Variants in PGBD4 observed in about 807,000 individuals in gnomAD.
PGBD4 encodes the protein piggyBac transposable element derived 4.
In PGBD4, 1 loss-of-function variant was observed where a neutral mutation model predicts 0.3. The ratio of observed to expected loss-of-function variants is 3.72; its 90% CI spans 1.32 to 17.64. The LOEUF is 17.64. Among genes scored for constraint, PGBD4 ranks in the 30% most tolerant of loss-of-function variants. PGBD4 has a pLI of 0.11. For synonymous variants in PGBD4, 253 were observed against 267.7 expected, an observed-to-expected ratio of 0.95 and a Z score of 0.54; for missense variants, 624 against 719.7, an observed-to-expected ratio of 0.87 and a Z score of 1.52.
At position 34,102,795 on chromosome 15, in the gene PGBD4, T is replaced by C. The variant is rs772667827; in HGVS notation, c.264T>C (p.Phe88=). 1 of 1,614,210 alleles carries C rather than the reference T, an allele frequency of 6.2e-7. No homozygotes were observed. The highest frequency in any genetic ancestry group is 2.2e-5 in the East Asian group (1 of 44,886). ...RAMIPRQRYD[F]TGTPGRKVDV... Reference sequence around the variant, plus strand: ...TGATTCCACGTCAAAGGTATGACTTTACCGGCACACCTGGCAGAAAAGTCG... The same window carrying C: ...TGATTCCACGTCAAAGGTATGACTTCACCGGCACACCTGGCAGAAAAGTCG... The change falls in exon 1 of 1, where the codon TTT becomes TTC. Residue 88 remains phenylalanine, a synonymous_variant. Transcript: ENST00000397766. The surrounding 1 kb of genome is among the most constrained non-coding windows in gnomAD (Gnocchi z 4.7).
chr15:34,103,596 T>G lies in PGBD4; in HGVS notation c.1065T>G (p.Arg355=), dbSNP rs764523086. The G allele has an allele frequency of 1.2e-6, 2 of 1,614,120 alleles. No individual in the cohort carries two copies. Among genetic ancestry groups the G allele is most frequent in the Non-Finnish European group, 1.7e-6 (2 of 1,180,024 alleles). The change falls in exon 1 of 1, where the codon CGT becomes CGG. Residue 355 remains arginine (R), a synonymous_variant. Coordinates refer to ENST00000397766, the MANE Select transcript of PGBD4 (RefSeq NM_152595.5). This position sits in a 1 kb window ranked among gnomAD's most constrained non-coding sequence, Gnocchi z 4.6. ...QNRTDAVGTA[R]LNRKQIPNDL... The stretch of plus-strand genomic sequence containing the variant: ...GGACTGATGCAGTTGGGACAGCTCG[T>G]TTGAACAGAAAACAGATTCCAAATG...
chr15:34,102,384 A>T lies in PGBD4; in HGVS notation c.-148A>T, dbSNP rs1901194722. The T allele has an allele frequency of 4.6e-6, 6 of 1,303,738 alleles. No individual in the cohort carries two copies. The allele number at this position is 1,303,738 out of a possible 1,614,324, so 80.8% of individuals were successfully genotyped here. A position where few individuals can be genotyped will look rare whatever the true frequency, so the allele number is the denominator to read the frequency against. ...ATTACAGTGCCAACCTTACTCCCAAAGTTTGCCACGAAATATCTCGCTTCT... is the reference window on the plus strand; with the variant it reads ...ATTACAGTGCCAACCTTACTCCCAATGTTTGCCACGAAATATCTCGCTTCT... On this transcript the variant is annotated 5_prime_UTR_variant, in exon 1 of 1. It adds an upstream start codon to the 5' untranslated region. Transcript: ENST00000397766. The surrounding 1 kb of genome is among the most constrained non-coding windows in gnomAD (Gnocchi z 4.7).
Position 34,104,025 on chromosome 15 carries a change from C to T in PGBD4, c.1494C>T (p.His498=). 1 of 1,614,176 alleles carries T rather than the reference C, an allele frequency of 6.2e-7. No homozygotes were observed. Among genetic ancestry groups the T allele is most frequent in the South Asian group, 1.1e-5 (1 of 91,082 alleles). The change falls in exon 1 of 1, where the codon CAC becomes CAT. Residue 498 remains histidine, a synonymous_variant. Transcript: ENST00000397766. ...TTGAAAGAATGCTGGAAAAGCATCACAAGCCAGGGCAGCAACATCTTCGAG... is the reference window on the plus strand; with the variant it reads ...TTGAAAGAATGCTGGAAAAGCATCATAAGCCAGGGCAGCAACATCTTCGAG... ...ALIERMLEKH[H]KPGQQHLRGR...
chr15:34,103,770 G>A lies in PGBD4; in HGVS notation c.1239G>A (p.Lys413=). ...TVIEVNNRNG[K]KTKRPRVIVD... is the part of the protein sequence containing the mutation. ...TTGAAGTAAACAATAGAAATGGAAA[G>A]AAAACTAAAAGGCCACGTGTCATTG... Residue 413 remains lysine, a synonymous_variant, in exon 1 of 1, where the codon AAG becomes AAA. Coordinates refer to ENST00000397766, the MANE Select transcript of PGBD4 (RefSeq NM_152595.5). This position sits in a 1 kb window ranked among gnomAD's most constrained non-coding sequence, Gnocchi z 4.6. The A allele has an allele frequency of 6.2e-7, 1 of 1,614,168 alleles. No individual in the cohort carries two copies. The highest frequency in any genetic ancestry group is 8.5e-7 in the Non-Finnish European group (1 of 1,180,038).
In PGBD4 at chr15:34,103,818, A is replaced by G. The variant is rs1328323430; in HGVS notation, c.1287A>G (p.Gly429=). ...RVIVDYNENM[G]AVDSADQMLT... is the part of the protein sequence containing the mutation. ...TTGTGGATTATAACGAGAATATGGG[A>G]GCAGTGGACTCGGCTGATCAAATGC... The change falls in exon 1 of 1, where the codon GGA becomes GGG. Residue 429 remains glycine (G), a synonymous_variant. Transcript: ENST00000397766. The surrounding 1 kb of genome is among the most constrained non-coding windows in gnomAD (Gnocchi z 4.6). The G allele has an allele frequency of 1.2e-6, 2 of 1,614,162 alleles. No homozygotes were observed. Among genetic ancestry groups the G allele is most frequent in the African/African-American group, 2.7e-5 (2 of 75,020 alleles).
chr15:34,102,108 G>A lies in PGBD4; in HGVS notation c.-424G>A. On this transcript the variant is annotated 5_prime_UTR_variant, in exon 1 of 1. The change creates a new upstream start codon in the 5' untranslated region. Coordinates refer to ENST00000397766, the MANE Select transcript of PGBD4 (RefSeq NM_152595.5). The surrounding 1 kb of genome is among the most constrained non-coding windows in gnomAD (Gnocchi z 4.7). Reference sequence around the variant, plus strand: ...GCCTATGAAGGGGACTGCCCATGAAGTGAAAGTCAAGTGTGTGTTGCTGCG... The same window carrying A: ...GCCTATGAAGGGGACTGCCCATGAAATGAAAGTCAAGTGTGTGTTGCTGCG... 5.7e-6 allele frequency: 3 copies of A among 523,912 alleles called. No homozygotes were observed. In the South Asian group the frequency reaches 8.4e-5, roughly 15 times the overall value. 32.5% of individuals were successfully genotyped at this position (523,912 alleles called of 1,614,324 possible).
In PGBD4 at chr15:34,102,345, G is replaced by A. The variant is rs931140768; in HGVS notation, c.-187G>A. 1 of 850,194 alleles carries A rather than the reference G, an allele frequency of 1.2e-6. No homozygotes were observed. 52.7% of individuals were successfully genotyped at this position (850,194 alleles called of 1,614,324 possible). A position where few individuals can be genotyped will look rare whatever the true frequency, so the allele number is the denominator to read the frequency against. On this transcript the variant is annotated 5_prime_UTR_variant, in exon 1 of 1. Coordinates refer to ENST00000397766, the MANE Select transcript of PGBD4 (RefSeq NM_152595.5). The surrounding 1 kb of genome is among the most constrained non-coding windows in gnomAD (Gnocchi z 4.7). ...TGCCTGCGACTGCAGCGTTTACGCC[G>A]AGATAACTCGTGGATTACAGTGCCA...
chr15:34,102,101 C>G lies in PGBD4; in HGVS notation c.-431C>G. The stretch of plus-strand genomic sequence containing the variant: ...GTCAAGTGCCTATGAAGGGGACTGC[C>G]CATGAAGTGAAAGTCAAGTGTGTGT... On this transcript the variant is annotated 5_prime_UTR_variant, in exon 1 of 1. Coordinates refer to ENST00000397766, the MANE Select transcript of PGBD4 (RefSeq NM_152595.5). The surrounding 1 kb of genome is among the most constrained non-coding windows in gnomAD (Gnocchi z 4.7). The G allele has an allele frequency of 1.9e-6, 1 of 530,050 alleles. No homozygotes were observed. Among genetic ancestry groups the G allele is most frequent in the African/African-American group, 1.9e-5 (1 of 51,654 alleles). 32.8% of individuals were successfully genotyped at this position (530,050 alleles called of 1,614,324 possible). A position where few individuals can be genotyped will look rare whatever the true frequency, so the allele number is the denominator to read the frequency against.
Position 34,102,112 on chromosome 15 carries a change from A to G in PGBD4, c.-420A>G, listed in dbSNP as rs1901188321. On this transcript the variant is annotated 5_prime_UTR_variant, in exon 1 of 1. Coordinates refer to ENST00000397766, the MANE Select transcript of PGBD4 (RefSeq NM_152595.5). This position sits in a 1 kb window ranked among gnomAD's most constrained non-coding sequence, Gnocchi z 4.7. ...ATGAAGGGGACTGCCCATGAAGTGAAAGTCAAGTGTGTGTTGCTGCGGCAG... is the reference window on the plus strand; with the variant it reads ...ATGAAGGGGACTGCCCATGAAGTGAGAGTCAAGTGTGTGTTGCTGCGGCAG... 1 of 511,472 alleles carries G rather than the reference A, an allele frequency of 2.0e-6. No individual in the cohort carries two copies. Among genetic ancestry groups the G allele is most frequent in the Non-Finnish European group, 3.4e-6 (1 of 292,506 alleles). 31.7% of individuals were successfully genotyped at this position (511,472 alleles called of 1,614,324 possible). A position where few individuals can be genotyped will look rare whatever the true frequency, so the allele number is the denominator to read the frequency against.
rs953009016 is a variant in PGBD4 at position 34,104,602 on chromosome 15, C to CA, written c.*321dup. On this transcript the variant is annotated 3_prime_UTR_variant, in exon 1 of 1. Transcript: ENST00000397766. The stretch of plus-strand genomic sequence containing the variant: ...TGGGTGACATAGCGAGACTCCATCT[C>CA]AAAAAAAAGAAATAACTCCAAGAAC... 43 of 257,494 alleles carry CA rather than the reference C, an allele frequency of 1.7e-4. No individual in the cohort carries two copies. The highest frequency in any genetic ancestry group is 2.5e-4 in the East Asian group (3 of 12,152). 16.0% of individuals were successfully genotyped at this position (257,494 alleles called of 1,614,324 possible). A position where few individuals can be genotyped will look rare whatever the true frequency, so the allele number is the denominator to read the frequency against.
At position 34,104,329 on chromosome 15, in the gene PGBD4, G is replaced by A. The variant is rs1222736205; in HGVS notation, c.*40G>A. 1 of 1,563,874 alleles carries A rather than the reference G, an allele frequency of 6.4e-7. No homozygotes were observed. On this transcript the variant is annotated 3_prime_UTR_variant, in exon 1 of 1. Coordinates refer to ENST00000397766, the MANE Select transcript of PGBD4 (RefSeq NM_152595.5). ...ACACATCTGTTCCATTAGGATTAGA[G>A]ACAAGTTCTGTTTAGAAATAACTCC...
In PGBD4 at chr15:34,102,690, T is replaced by G; in HGVS notation, c.159T>G (p.Pro53=). 6.2e-7 allele frequency: 1 copy of G among 1,614,154 alleles called. No homozygotes were observed. The highest frequency in any genetic ancestry group is 8.5e-7 in the Non-Finnish European group (1 of 1,180,030). The change falls in exon 1 of 1, where the codon CCT becomes CCG. Residue 53 remains proline (P), a synonymous_variant. Transcript: ENST00000397766. This position sits in a 1 kb window ranked among gnomAD's most constrained non-coding sequence, Gnocchi z 4.7. ...DSALEADKIR[P]LSHLESDGKS... is the part of the protein sequence containing the mutation. ...CTTTAGAAGCCGATAAGATCAGGCC[T>G]CTGTCCCATTTAGAATCTGATGGAA...
At position 34,102,636 on chromosome 15, in the gene PGBD4, A is replaced by C; in HGVS notation, c.105A>C (p.Ile35=). 1.2e-6 allele frequency: 2 copies of C among 1,614,092 alleles called. No individual in the cohort carries two copies. Among genetic ancestry groups the C allele is most frequent in the South Asian group, 2.2e-5 (2 of 91,066 alleles). The part of the protein sequence containing the change: ...DSFDESDFSE[I]DDSDNFSDSA... ...TTGATGAATCTGATTTTTCGGAAATAGATGATTCTGATAATTTTTCGGATA... is the reference window on the plus strand; with the variant it reads ...TTGATGAATCTGATTTTTCGGAAATCGATGATTCTGATAATTTTTCGGATA... Residue 35 remains isoleucine (I), a synonymous_variant, in exon 1 of 1, where the codon ATA becomes ATC. Coordinates refer to ENST00000397766, the MANE Select transcript of PGBD4 (RefSeq NM_152595.5). This position sits in a 1 kb window ranked among gnomAD's most constrained non-coding sequence, Gnocchi z 4.7.
In PGBD4 at chr15:34,104,518, G is replaced by T; in HGVS notation, c.*229G>T. On this transcript the variant is annotated 3_prime_UTR_variant, in exon 1 of 1. Transcript: ENST00000397766. Reference sequence around the variant, plus strand: ...CTTGGGAGGCTGAGGCAGGAGAATTGCTTGAACCCATGAGGCGGAGGTTGC... The same window carrying T: ...CTTGGGAGGCTGAGGCAGGAGAATTTCTTGAACCCATGAGGCGGAGGTTGC... 1 of 547,418 alleles carries T rather than the reference G, an allele frequency of 1.8e-6. No homozygotes were observed. Among genetic ancestry groups the T allele is most frequent in the Non-Finnish European group, 3.2e-6 (1 of 314,518 alleles). The allele number at this position is 547,418 out of a possible 1,614,324, so 33.9% of individuals were successfully genotyped here.
rs748334129 is a variant in PGBD4, at chr15:34,103,981, A to G, written c.1450A>G (p.Asn484Asp). ...TCCTGAGCACACGATGAGCCATATA[A>G]ACTTCAGACTGGCATTGATTGAAAG... The part of the protein sequence containing the change: ...DNPEHTMSHI[N>D]FRLALIERML... The change falls in exon 1 of 1, where the codon AAC becomes GAC. Residue 484 changes from asparagine to aspartate, a missense_variant. Physicochemically the swap from Asn to Asp is conservative, Grantham distance 23 (BLOSUM62 1). Coordinates refer to ENST00000397766, the MANE Select transcript of PGBD4 (RefSeq NM_152595.5). This position sits in a 1 kb window ranked among gnomAD's most constrained non-coding sequence, Gnocchi z 4.6. 3.0e-5 allele frequency: 49 copies of G among 1,614,054 alleles called. 1 individual carries two copies. The highest frequency in any genetic ancestry group is 4.1e-5 in the Non-Finnish European group (48 of 1,180,038).
In PGBD4 at chr15:34,108,168, G is replaced by A. The variant is rs1887790220; in HGVS notation, c.*3879G>A. ...AGTAGAGACGGAGTTTCACCATGTT[G>A]GCCAGGCTGGTCTCAAACTCCTGAC... On this transcript the variant is annotated 3_prime_UTR_variant, in exon 1 of 1. Coordinates refer to ENST00000397766, the MANE Select transcript of PGBD4 (RefSeq NM_152595.5). 2 of 152,044 alleles carry A rather than the reference G, an allele frequency of 1.3e-5. No individual in the cohort carries two copies. The highest frequency in any genetic ancestry group is 4.8e-5 in the African/African-American group (2 of 41,358). 9.4% of individuals were successfully genotyped at this position (152,044 alleles called of 1,614,324 possible).
rs988435097 is a variant in PGBD4 at position 34,105,779 on chromosome 15, C to A, written c.*1490C>A. Reference sequence around the variant, plus strand: ...TGTGTGGAGAAGGTTTATTTTCATTCTTTTTACTTTAAAATATGCCTTAGT... The same window carrying A: ...TGTGTGGAGAAGGTTTATTTTCATTATTTTTACTTTAAAATATGCCTTAGT... On this transcript the variant is annotated 3_prime_UTR_variant, in exon 1 of 1. Transcript: ENST00000397766. 6.0e-6 allele frequency: 1 copy of A among 166,994 alleles called. No homozygotes were observed. The highest frequency in any genetic ancestry group is 2.1e-4 in the South Asian group (1 of 4,828). 10.3% of individuals were successfully genotyped at this position (166,994 alleles called of 1,614,324 possible).
rs1224771816 is a variant in PGBD4 at position 34,105,486 on chromosome 15, G to A, written c.*1197G>A. On this transcript the variant is annotated 3_prime_UTR_variant, in exon 1 of 1. Transcript: ENST00000397766. ...AAGAGTAACAGCAATTGAAAAAAGA[G>A]ATTCAAGAGCCAAGTACTCAGCCCT... The A allele has an allele frequency of 6.0e-6, 1 of 167,072 alleles. No individual in the cohort carries two copies. The highest frequency in any genetic ancestry group is 6.5e-5 in the Admixed American group (1 of 15,270). The allele number at this position is 167,072 out of a possible 1,614,324, so 10.3% of individuals were successfully genotyped here.
In PGBD4 at chr15:34,102,807, T is replaced by C. The variant is rs1323944278; in HGVS notation, c.276T>C (p.Pro92=). The change falls in exon 1 of 1, where the codon CCT becomes CCC. Residue 92 remains proline (P), a synonymous_variant. Transcript: ENST00000397766. The surrounding 1 kb of genome is among the most constrained non-coding windows in gnomAD (Gnocchi z 4.7). ...AAAGGTATGACTTTACCGGCACACC[T>C]GGCAGAAAAGTCGATGTCAGTGATA... ...PRQRYDFTGT[P]GRKVDVSDIT... is the part of the protein sequence containing the mutation. 1 of 1,614,086 alleles carries C rather than the reference T, an allele frequency of 6.2e-7. No individual in the cohort carries two copies. The highest frequency in any genetic ancestry group is 1.7e-5 in the Admixed American group (1 of 60,000).
Sources: gnomAD v4.1 joint callset for allele counts on GRCh38, gnomAD v4.1.1 for gene constraint, Gnocchi (gnomAD v3.1) non-coding constraint, MANE v1.5 for transcripts, NCBI Gene and HGNC (gene_info 2026-07-23, HGNC 2026-07-21) for gene names.